The following ADARB2 variants were observed in gnomAD, a reference collection of about 807,000 sequenced individuals.
ADARB2 encodes the protein adenosine deaminase RNA specific B2 (inactive).
A neutral mutation model predicts 62.2 loss-of-function variants in ADARB2; 25 were observed. The ratio of observed to expected loss-of-function variants is 0.40; its 90% CI spans 0.29 to 0.56. ADARB2 has a LOEUF of 0.56. Ranked by LOEUF, ADARB2 falls within the 20% of genes least tolerant of loss-of-function variation. The probability of loss-of-function intolerance (pLI) is 0.43; values close to 1 mark genes in which losing one functional copy is unlikely to be tolerated. For missense variants in ADARB2, 1,071 were observed against 1,077.4 expected, an observed-to-expected ratio of 0.99 and a Z score of 0.08; for synonymous variants, 572 against 500.8, an observed-to-expected ratio of 1.14 and a Z score of -1.90.
At chr10:1,394,733 A>G (rs1832596991) in intron 1 of ADARB2, among the ~76,000 whole-genome samples, 2 of 152,142 alleles carry the variant, frequency 1.3e-5, no homozygotes, top group South Asian at 4.1e-4. Flanking sequence ...AGGAACGTCA[A>G]AGGGTCTGAA....
intron 1 of ADARB2, among the ~76,000 whole-genome samples, chr10:1,718,887 C>A (rs1588365574): frequency 1.3e-5 from 2 of 152,204 alleles, no homozygotes; most frequent in South Asian, 4.1e-4. Context: ...AATTAAGGAA[C>A]TTTGGAAATT....
chr10:1,268,914 A>G (rs765784428), intron 4 of ADARB2, among the ~76,000 whole-genome samples: 7 of 152,166 alleles, frequency 4.6e-5, no homozygotes, highest in South Asian at 2.1e-4. Context: ...AAACATTACT[A>G]TTTTCCACAT....
chr10:1,457,343 G>A (rs548253472), intron 1 of ADARB2, among the ~76,000 whole-genome samples: 7 of 152,240 alleles, frequency 4.6e-5, no homozygotes, highest in Non-Finnish European at 1.0e-4. Flanking sequence ...GGAGGGTTCC[G>A]AGTTCGCTGG....
chr10:1,382,671 T>A, intron 1 of ADARB2, among the ~76,000 whole-genome samples: 1 of 152,126 alleles, frequency 6.6e-6, no homozygotes, highest in East Asian at 1.9e-4. Context: ...GAAATCTGGT[T>A]TTACTCAAGC....
intron 4 of ADARB2, among the ~76,000 whole-genome samples, chr10:1,263,844 T>G (rs1220300954): frequency 6.6e-6 from 1 of 152,206 alleles, no homozygotes; most frequent in Non-Finnish European, 1.5e-5. Context: ...CAGGCTAAAC[T>G]ATTTAAATGT....
chr10:1,214,586 G>T lies in ADARB2; in HGVS notation c.1682+2365C>A, dbSNP rs567402829. ...TCGCGTGGGTTCGCACCTGTGTTTAGTCCACCATCTATGGATGTTGAAGAT... is the reference window on the plus strand; with the variant it reads ...TCGCGTGGGTTCGCACCTGTGTTTATTCCACCATCTATGGATGTTGAAGAT... On this transcript the variant is annotated intron_variant, in intron 7 of 9. Coordinates refer to ENST00000381312, the MANE Select transcript of ADARB2 (RefSeq NM_018702.4). 4.6e-5 allele frequency among the ~76,000 whole-genome samples: 7 copies of T among 152,386 alleles called. No individual in the cohort carries two copies. In the East Asian group the frequency reaches 1.3e-3, roughly 29 times the overall value.
intron 4 of ADARB2, among the ~76,000 whole-genome samples, chr10:1,253,610 C>A (rs1279497561): frequency 6.6e-6 from 1 of 152,208 alleles, no homozygotes; most frequent in African/African-American, 2.4e-5. Flanking sequence ...GCTCCTTTCA[C>A]AGCACATGCT....
At chr10:1,584,857 G>T (rs563554727) in intron 1 of ADARB2, among the ~76,000 whole-genome samples, 2 of 152,160 alleles carry the variant, frequency 1.3e-5, no homozygotes, top group African/African-American at 4.8e-5. Context: ...ATCTGAAAAG[G>T]CTACATCCTG....
At chr10:1,361,421 T>G (rs1361519298) in intron 3 of ADARB2, 1 of 152,182 alleles carries the variant, frequency 6.6e-6, no homozygotes, top group Non-Finnish European at 1.5e-5. Flanking sequence ...TTTACTTACA[T>G]TGTGTTTTTA....
intron 1 of ADARB2, among the ~76,000 whole-genome samples, chr10:1,643,005 A>C (rs1833998093): frequency 6.6e-6 from 1 of 152,248 alleles, no homozygotes; most frequent in South Asian, 2.1e-4. Context: ...GCGCAGGGCC[A>C]AGAGGCCTGG....
intron 1 of ADARB2, among the ~76,000 whole-genome samples, chr10:1,667,397 G>C (rs540935657): frequency 6.6e-6 from 1 of 152,136 alleles, no homozygotes; most frequent in Non-Finnish European, 1.5e-5. Context: ...TCACATATAG[G>C]ATATGTAAAA....
chr10:1,730,829 C>T (rs1312555727), intron 1 of ADARB2, among the ~76,000 whole-genome samples: 1 of 152,108 alleles, frequency 6.6e-6, no homozygotes, highest in African/African-American at 2.4e-5. Flanking sequence ...ACAGATGATA[C>T]TAAATTCCAA....
chr10:1,616,493 T>C (rs1323481759), intron 1 of ADARB2, among the ~76,000 whole-genome samples: 1 of 150,258 alleles, frequency 6.7e-6, no homozygotes, highest in Non-Finnish European at 1.5e-5. Context: ...CCTGCTGAGC[T>C]CTGCATCCTG....
intron 1 of ADARB2, among the ~76,000 whole-genome samples, chr10:1,529,574 A>G (rs532449816): frequency 2.0e-5 from 3 of 152,202 alleles, no homozygotes; most frequent in Admixed American, 2.0e-4. Flanking sequence ...GACCCCTTCC[A>G]TAGTTTTCCC....
chr10:1,610,664 T>C (rs114646506), intron 1 of ADARB2, among the ~76,000 whole-genome samples: 4,019 of 152,216 alleles, frequency 0.026, 86 homozygotes, highest in African/African-American at 0.056. Context: ...TCCGGGGTCT[T>C]TTAGTTTGTG....
chr10:1,312,346 G>C (rs551675635), intron 3 of ADARB2, among the ~76,000 whole-genome samples: 2 of 152,312 alleles, frequency 1.3e-5, no homozygotes, highest in South Asian at 2.1e-4. Context: ...CTCCAGGTCA[G>C]AGTGAGCCCC....
At chr10:1,669,545 C>T (rs1399597458) in intron 1 of ADARB2, among the ~76,000 whole-genome samples, 6 of 151,570 alleles carry the variant, frequency 4.0e-5, no homozygotes, top group Non-Finnish European at 8.8e-5. Flanking sequence ...AACACAGGCA[C>T]ACTCAGAGAG....
In ADARB2 at chr10:1,398,103, AGT is replaced by A; in HGVS notation, c.101-18945_101-18944del. On this transcript the variant is annotated intron_variant, in intron 1 of 9. Coordinates refer to ENST00000381312, the MANE Select transcript of ADARB2 (RefSeq NM_018702.4). This position sits in a 1 kb window ranked among gnomAD's most constrained non-coding sequence, Gnocchi z 4.1. Reference sequence around the variant, plus strand: ...GTCACCGCCCTCCTCTCCCCTCCCGAGTGCAGGCTTCCTGGGTCACCATCAGT... The same window carrying A: ...GTCACCGCCCTCCTCTCCCCTCCCGAGCAGGCTTCCTGGGTCACCATCAGT... 7.0e-6 allele frequency among the ~76,000 whole-genome samples: 1 copy of A among 142,612 alleles called. No individual in the cohort carries two copies. The highest frequency in any genetic ancestry group is 2.7e-5 in the African/African-American group (1 of 37,504). The allele number at this position is 142,612 out of a possible 152,430, so 93.6% of individuals were successfully genotyped here. A position where few individuals can be genotyped will look rare whatever the true frequency, so the allele number is the denominator to read the frequency against.
chr10:1,735,745 G>T (rs920837893), intron 1 of ADARB2, among the ~76,000 whole-genome samples: 1 of 152,184 alleles, frequency 6.6e-6, no homozygotes, highest in African/African-American at 2.4e-5. Context: ...GAAACCAAAG[G>T]CTCCAAAACC....
Sources: allele counts gnomAD v4.1 joint callset (sites outside exome capture counted in the v4.1 genomes callset), GRCh38; gene constraint gnomAD v4.1.1; non-coding constraint Gnocchi (gnomAD v3.1); transcripts MANE v1.5; gene names NCBI Gene and HGNC (gene_info 2026-07-23, HGNC 2026-07-21).